PID1: variants seen among roughly 807,000 people sequenced by gnomAD.
The protein encoded by PID1 is PTB-containing, cubilin and LRP1-interacting protein.
A neutral mutation model predicts 19.1 loss-of-function variants in PID1; 10 were observed. The observed-to-expected ratio is 0.52, with a 90% CI of 0.32 to 0.89. PID1 has a LOEUF of 0.89. PID1 is among the 40% of genes least tolerant of loss of function. The pLI, the probability that PID1 is intolerant of heterozygous loss-of-function variation, is 0.03. For missense variants in PID1, 248 were observed against 285.3 expected (o/e 0.87, Z 0.94); for synonymous variants, 130 against 116.0 (o/e 1.12, Z -0.78).
At chr2:229,200,684 C>T (rs1181366900) in intron 1 of PID1, among the ~76,000 whole-genome samples, 16 of 152,014 alleles carry the variant, frequency 1.1e-4, no homozygotes. Flanking sequence ...TCTTGTTTTT[C>T]ATGATTTAAT....
At chr2:229,144,296 C>G (rs970804594) in intron 2 of PID1, among the ~76,000 whole-genome samples, 4 of 152,096 alleles carry the variant, frequency 2.6e-5, no homozygotes, top group Admixed American at 2.0e-4. Context: ...AGGAGCGCAG[C>G]TGACCCAGAG....
chr2:229,269,381 G>T (rs1690675913), intron 1 of PID1, among the ~76,000 whole-genome samples: 1 of 152,246 alleles, frequency 6.6e-6, no homozygotes, highest in Non-Finnish European at 1.5e-5. Flanking sequence ...CACCTGCCAA[G>T]GGTCACATGC....
intron 2 of PID1, among the ~76,000 whole-genome samples, chr2:229,078,855 A>G (rs1694614149): frequency 6.6e-6 from 1 of 152,164 alleles, no homozygotes; most frequent in South Asian, 2.1e-4. Flanking sequence ...TCCAGGTTAT[A>G]ATAAATTTTT....
At chr2:229,035,674 A>C (rs916839157) in intron 2 of PID1, among the ~76,000 whole-genome samples, 1 of 152,184 alleles carries the variant, frequency 6.6e-6, no homozygotes, top group African/African-American at 2.4e-5. Context: ...ACCACAAAAC[A>C]AAAGCTCTTT....
intron 2 of PID1, among the ~76,000 whole-genome samples, chr2:229,083,987 C>T (rs1168599445): frequency 1.3e-5 from 2 of 152,140 alleles, no homozygotes; most frequent in East Asian, 3.9e-4. Flanking sequence ...GTTCAGTAAC[C>T]TACCACATGC....
chr2:229,195,223 A>G (rs114073661), intron 1 of PID1, among the ~76,000 whole-genome samples: 1 of 151,814 alleles, frequency 6.6e-6, no homozygotes, highest in Non-Finnish European at 1.5e-5. Context: ...TCTAGTTTCT[A>G]TACCAGTCCC....
intron 2 of PID1, among the ~76,000 whole-genome samples, chr2:229,121,189 G>A (rs1358022047): frequency 6.6e-6 from 1 of 152,100 alleles, no homozygotes; most frequent in Non-Finnish European, 1.5e-5. Context: ...GAAACACATA[G>A]AATATAGAGC....
At chr2:229,134,708 A>C (rs1159366155) in intron 2 of PID1, among the ~76,000 whole-genome samples, 1 of 152,202 alleles carries the variant, frequency 6.6e-6, no homozygotes, top group Non-Finnish European at 1.5e-5. Context: ...CATAAAGATG[A>C]ATGCAGAGTA....
intron 2 of PID1, among the ~76,000 whole-genome samples, chr2:229,086,852 C>T (rs561409144): frequency 4.0e-5 from 6 of 151,872 alleles, no homozygotes; most frequent in South Asian, 2.1e-4. Flanking sequence ...GCAGAGCATC[C>T]GCATGCACAT....
At chr2:229,035,540 G>GTGTA (rs1049652401) in intron 2 of PID1, among the ~76,000 whole-genome samples, 3 of 142,966 alleles carry the variant, frequency 2.1e-5, no homozygotes, top group African/African-American at 8.0e-5. Flanking sequence ...GTGTGTGTGT[G>GTGTA]CACCAACCTA....
intron 2 of PID1, among the ~76,000 whole-genome samples, chr2:229,139,146 A>AAAGCAAGCAAGCAAGCAAGC (rs1273377953): frequency 1.8e-5 from 2 of 108,974 alleles, no homozygotes; most frequent in Non-Finnish European, 3.8e-5. Flanking sequence ...AGAAAGAAAG[A>AAAGCAAGCAAGCAAGCAAGC]AAGCAAGCGA....
At chr2:229,151,604 T>C (rs559298919) in intron 2 of PID1, among the ~76,000 whole-genome samples, 14 of 150,920 alleles carry the variant, frequency 9.3e-5, no homozygotes, top group Non-Finnish European at 1.9e-4. Flanking sequence ...GGAGTCTCGC[T>C]CTGTCACCCA....
intron 2 of PID1, among the ~76,000 whole-genome samples, chr2:229,054,591 T>C (rs908025456): frequency 6.6e-6 from 1 of 151,992 alleles, no homozygotes; most frequent in African/African-American, 2.4e-5. Flanking sequence ...CCATATAATA[T>C]GGTACATTGT....
chr2:229,240,546 C>T (rs1320114540), intron 1 of PID1, among the ~76,000 whole-genome samples: 1 of 152,116 alleles, frequency 6.6e-6, no homozygotes, highest in Non-Finnish European at 1.5e-5. Flanking sequence ...CCCATTGCCT[C>T]CTCCTTTCCA....
At chr2:229,038,900 G>A (rs940216509) in intron 2 of PID1, among the ~76,000 whole-genome samples, 1 of 152,166 alleles carries the variant, frequency 6.6e-6, no homozygotes, top group Non-Finnish European at 1.5e-5. Context: ...AATTCTTTTT[G>A]TAGGATATAC....
chr2:229,106,077 C>A (rs202136604), intron 2 of PID1, among the ~76,000 whole-genome samples: 230 of 122,050 alleles, frequency 1.9e-3, no homozygotes, highest in East Asian at 2.8e-3. Context: ...GAGATTCCGT[C>A]AAAAAAAAAA....
At chr2:229,128,222 T>C (rs759675979) in intron 2 of PID1, among the ~76,000 whole-genome samples, 3 of 152,220 alleles carry the variant, frequency 2.0e-5, no homozygotes, top group Non-Finnish European at 4.4e-5. Flanking sequence ...AGATGACATT[T>C]GCAACCTCTC....
chr2:229,030,278 C>T (rs1693519187), intron 2 of PID1, among the ~76,000 whole-genome samples: 2 of 152,142 alleles, frequency 1.3e-5, no homozygotes, highest in Admixed American at 1.3e-4. Context: ...TGAGGAGTTA[C>T]TGTTCAATGG....
At chr2:229,054,930 A>C (rs908207637) in intron 2 of PID1, among the ~76,000 whole-genome samples, 10 of 152,124 alleles carry the variant, frequency 6.6e-5, no homozygotes, top group Non-Finnish European at 1.0e-4. Context: ...TTTTTCTGAA[A>C]GTTACTGTCT....
Sources: allele counts gnomAD v4.1 joint callset (sites outside exome capture counted in the v4.1 genomes callset), GRCh38; gene constraint gnomAD v4.1.1; transcripts MANE v1.5; gene names NCBI Gene and HGNC (gene_info 2026-07-23, HGNC 2026-07-21).